USP1: variants seen among roughly 807,000 people sequenced by gnomAD.
USP1 encodes the protein ubiquitin carboxyl-terminal hydrolase 1.
In USP1, 18 loss-of-function variants were observed where a neutral mutation model predicts 72.2. The ratio of observed to expected loss-of-function variants is 0.25; its 90% CI spans 0.17 to 0.37. The LOEUF is 0.37. Among genes scored for constraint, USP1 ranks in the 10% least tolerant of loss-of-function variants. The pLI is 1.00. For missense variants in USP1, 759 were observed against 884.9 expected (o/e 0.86, Z 1.81); for synonymous variants, 354 against 303.7 (o/e 1.17, Z -1.72).
Position 62,437,929 on chromosome 1 carries a change from T to C in USP1, c.-70+529T>C, listed in dbSNP as rs570613901. The stretch of plus-strand genomic sequence containing the variant: ...TCGAGTCGTGTCATCTTATAAAGAA[T>C]TTAAAACTATTGGGACTGAGTGTTC... On this transcript the variant is annotated intron_variant, in intron 1 of 8. Coordinates refer to ENST00000339950, the MANE Select transcript of USP1 (RefSeq NM_003368.5). Among the ~76,000 whole-genome samples the C allele has an allele frequency of 2.0e-5, 3 of 152,346 alleles. No individual in the cohort carries two copies. In the South Asian group the frequency reaches 6.2e-4, roughly 32 times the overall value.
intron 1 of USP1, among the ~76,000 whole-genome samples, chr1:62,438,711 A>AT (rs11381740): frequency 0.21 from 31,597 of 151,896 alleles, 3,764 homozygotes; most frequent in Non-Finnish European, 0.27. Context: ...AAATGTTGCC[A>AT]TTTTTTTTCA....
intron 7 of USP1, among the ~76,000 whole-genome samples, chr1:62,447,931 T>C (rs1477639713): frequency 3.9e-5 from 6 of 152,158 alleles, no homozygotes; most frequent in South Asian, 4.1e-4. Context: ...GGACTGCAGG[T>C]GCCCACCACC....
Position 62,445,280 on chromosome 1 carries a change from T to G in USP1, c.1100T>G (p.Val367Gly), listed in dbSNP as rs372766426. ...GGAAAAATAACAACAAACCAAGGAG[T>G]CAAAGGACAATCTAAAGAAAATGAA... Reference protein sequence around the residue: ...SLGKITTNQGVKGQSKENECD... With the variant: ...SLGKITTNQGGKGQSKENECD... The change falls in exon 6 of 9, where the codon GTC becomes GGC. Residue 367 changes from valine to glycine, a missense_variant. Around this residue, in one of 9 missense-constraint regions of USP1, gnomAD observed 245 missense variants for 240.7 expected, o/e 1.02. Transcript: ENST00000339950. 38 of 1,612,882 alleles carry G rather than the reference T, an allele frequency of 2.4e-5. No homozygotes were observed. The highest frequency in any genetic ancestry group is 3.1e-5 in the Non-Finnish European group (37 of 1,179,758).
rs1557556004 is a variant in USP1, at chr1:62,445,068, C to T, written c.888C>T (p.Asn296=). The T allele has an allele frequency of 1.2e-6, 2 of 1,612,136 alleles. No individual in the cohort carries two copies. The highest frequency in any genetic ancestry group is 1.7e-6 in the Non-Finnish European group (2 of 1,179,578). ...AGGAACACCAGTCATTGGAAGAGAA[C>T]CAGAGACAAACTAGATCAAAAAGAA... The part of the protein sequence containing the change: ...LSKEHQSLEE[N]QRQTRSKRKA... Residue 296 remains asparagine, a synonymous_variant, in exon 6 of 9, where the codon AAC becomes AAT. Transcript: ENST00000339950.
At position 62,451,084 on chromosome 1, in the gene USP1, ATAT is replaced by A. The variant is rs2149208968; in HGVS notation, c.*108_*110del. ...TTAGCTTATCTTTTGAAGCTACTGG[ATAT>A]TATTGGTCTCTCTAGGTTTTTATAT... On this transcript the variant is annotated 3_prime_UTR_variant, in exon 9 of 9. Coordinates refer to ENST00000339950, the MANE Select transcript of USP1 (RefSeq NM_003368.5). The A allele has an allele frequency of 8.5e-7, 1 of 1,179,390 alleles. No homozygotes were observed. Among genetic ancestry groups the A allele is most frequent in the East Asian group, 2.5e-5 (1 of 40,572 alleles). 73.1% of individuals were successfully genotyped at this position (1,179,390 alleles called of 1,614,324 possible). A position where few individuals can be genotyped will look rare whatever the true frequency, so the allele number is the denominator to read the frequency against.
At chr1:62,440,581 A>G (rs1645125704) in intron 2 of USP1, among the ~76,000 whole-genome samples, 1 of 152,212 alleles carries the variant, frequency 6.6e-6, no homozygotes, top group South Asian at 2.1e-4. Context: ...CAGCAGCTCT[A>G]GCTGGAGTCT....
At chr1:62,437,689 G>A (rs1645100556) in intron 1 of USP1, among the ~76,000 whole-genome samples, 1 of 152,230 alleles carries the variant, frequency 6.6e-6, no homozygotes, top group African/African-American at 2.4e-5. Context: ...CGGGCAGCCT[G>A]GTCGCTGCTC....
chr1:62,445,410 A>G lies in USP1; in HGVS notation c.1230A>G (p.Glu410=), dbSNP rs552411293. The change falls in exon 6 of 9, where the codon GAA becomes GAG. Residue 410 remains glutamate (E), a synonymous_variant. Transcript: ENST00000339950. ...GNTVTPVNVN[E]VKPINKGEEQ... Reference sequence around the variant, plus strand: ...CTGTTACACCTGTAAATGTTAATGAAGTTAAACCCATAAACAAAGGTTAGT... The same window carrying G: ...CTGTTACACCTGTAAATGTTAATGAGGTTAAACCCATAAACAAAGGTTAGT... 1.9e-6 allele frequency: 3 copies of G among 1,566,938 alleles called. No individual in the cohort carries two copies. The South Asian group carries it at 3.6e-5, about 19-fold the overall frequency.
intron 8 of USP1, 85 bp downstream of exon 8, chr1:62,448,751 TA>T: frequency 7.5e-7 from 1 of 1,325,104 alleles, no homozygotes; most frequent in African/African-American, 1.5e-5. Context: ...ATAGTAGGAA[TA>T]TAAAGTACTG....
At chr1:62,448,717 A>G (rs1188011421) in intron 8 of USP1, 51 bp downstream of exon 8, 2 of 1,554,910 alleles carry the variant, frequency 1.3e-6, no homozygotes, top group Non-Finnish European at 1.8e-6. Flanking sequence ...GCTGTAGAAG[A>G]TAAGTCTTGT....
rs1557560406 is a variant in USP1, at chr1:62,451,690, C to CT, written c.*716dup. On this transcript the variant is annotated 3_prime_UTR_variant, in exon 9 of 9. Transcript: ENST00000339950. ...CTTAGAGGTGTGACCTTAAATTTAA[C>CT]TTTTTTTAAAAACTGGGAGGTCAAT... The CT allele has an allele frequency of 6.6e-6, 1 of 152,508 alleles. No homozygotes were observed. Among genetic ancestry groups the CT allele is most frequent in the African/African-American group, 2.4e-5 (1 of 41,418 alleles). 9.4% of individuals were successfully genotyped at this position (152,508 alleles called of 1,614,324 possible). A position where few individuals can be genotyped will look rare whatever the true frequency, so the allele number is the denominator to read the frequency against.
chr1:62,439,132 A>G (rs1645114433), intron 1 of USP1, among the ~76,000 whole-genome samples: 1 of 152,194 alleles, frequency 6.6e-6, no homozygotes, highest in African/African-American at 2.4e-5. Flanking sequence ...CTTGAGAATT[A>G]GAGGTGGTAG....
At chr1:62,448,197 T>C (rs1645189675) in intron 7 of USP1, among the ~76,000 whole-genome samples, 5 of 152,216 alleles carry the variant, frequency 3.3e-5, no homozygotes, top group Admixed American at 3.3e-4. Context: ...CTATCACATA[T>C]TGAAAGTTGG....
rs1645183395 is a variant in USP1, at chr1:62,447,439, A to G, written c.1348A>G (p.Arg450Gly). 1 of 1,614,046 alleles carries G rather than the reference A, an allele frequency of 6.2e-7. No individual in the cohort carries two copies. Among genetic ancestry groups the G allele is most frequent in the African/African-American group, 1.3e-5 (1 of 74,942 alleles). Residue 450 changes from arginine (R) to glycine (G), a missense_variant, in exon 7 of 9, where the codon AGA becomes GGA. By Grantham distance (125) the Arg-to-Gly change is moderately radical (BLOSUM62 -2). Around this residue, in one of 9 missense-constraint regions of USP1, gnomAD observed 140 missense variants for 222.8 expected, o/e 0.63. Transcript: ENST00000339950. ...CLECESLTERREDFQDISVPV... is the reference protein window; with the variant it reads ...CLECESLTERGEDFQDISVPV... ...GGAATGTGAAAGTTTAACAGAAAGA[A>G]GAGAAGATTTTCAAGACATCAGTGT...
intron 5 of USP1, among the ~76,000 whole-genome samples, 166 bp from the exon 6 acceptor site, chr1:62,444,568 TCTTA>T (rs756188022): frequency 5.3e-5 from 8 of 152,362 alleles, no homozygotes; most frequent in South Asian, 4.1e-4. Flanking sequence ...TACAATTTAC[TCTTA>T]CTTTTAGTTA....
At chr1:62,438,871 T>C (rs1645111329) in intron 1 of USP1, among the ~76,000 whole-genome samples, 2 of 152,254 alleles carry the variant, frequency 1.3e-5, no homozygotes, top group African/African-American at 4.8e-5. Context: ...CATTAAGAAT[T>C]GGATTTACAC....
intron 1 of USP1, among the ~76,000 whole-genome samples, chr1:62,438,222 C>G (rs1027976437): frequency 6.6e-6 from 1 of 152,110 alleles, no homozygotes; most frequent in Non-Finnish European, 1.5e-5. Flanking sequence ...TCTGGTTACT[C>G]TGTCGGTTTG....
At chr1:62,436,868 A>C, upstream of USP1, 5 of 361,368 alleles carry the variant, frequency 1.4e-5, no homozygotes, top group Admixed American at 4.7e-5. Context: ...CTTTTGGGGA[A>C]CTACAGTCCC....
rs372630655 is a variant in USP1, at chr1:62,439,946, T to A, written c.79T>A (p.Phe27Ile). 5 of 1,567,212 alleles carry A rather than the reference T, an allele frequency of 3.2e-6. No individual in the cohort carries two copies. Among genetic ancestry groups the A allele is most frequent in the Non-Finnish European group, 2.6e-6 (3 of 1,161,664 alleles). ...PSKKNRLSLK[F>I]FQKKETKRAL... Reference sequence around the variant, plus strand: ...AAAGAAAAACAGACTTTCCTTAAAGTTTTTTCAGAAAAAGGAAACTAAGAG... The same window carrying A: ...AAAGAAAAACAGACTTTCCTTAAAGATTTTTCAGAAAAAGGAAACTAAGAG... The change falls in exon 2 of 9, where the codon TTT (phenylalanine) becomes ATT (isoleucine). Residue 27 changes from phenylalanine to isoleucine, a missense_variant. Phe to Ile is a conservative substitution (Grantham distance 21). Transcript: ENST00000339950.
Sources: gnomAD v4.1 joint callset for allele counts (sites outside exome capture counted in the v4.1 genomes callset) on GRCh38, gnomAD v4.1.1 for gene constraint, gnomAD v4.1.1 regional missense constraint, MANE v1.5 for transcripts, NCBI Gene and HGNC (gene_info 2026-07-23, HGNC 2026-07-21) for gene names.